Variants in CYB5D2 observed in about 807,000 individuals in gnomAD.
CYB5D2 encodes the protein cytochrome b5 domain containing 2, also known as neuferricin.
In CYB5D2, 23 loss-of-function variants were observed where a neutral mutation model predicts 22.8. That is an observed-to-expected ratio of 1.01 (90% CI 0.73 to 1.43). CYB5D2 has a LOEUF of 1.43. Ranked by LOEUF, CYB5D2 falls within the 40% of genes most tolerant of loss-of-function variation. The probability of loss-of-function intolerance (pLI) is 0.00; values close to 1 mark genes in which losing one functional copy is unlikely to be tolerated. For missense variants in CYB5D2, 373 were observed against 357.2 expected, an observed-to-expected ratio of 1.04 and a Z score of -0.36; for synonymous variants, 170 against 152.2, an observed-to-expected ratio of 1.12 and a Z score of -0.86.
Position 4,157,255 on chromosome 17 carries a change from G to A in CYB5D2, c.*173G>A, listed in dbSNP as rs1046113905. 4.1e-6 allele frequency: 3 copies of A among 734,882 alleles called. No individual in the cohort carries two copies. Among genetic ancestry groups the A allele is most frequent in the African/African-American group, 3.5e-5 (2 of 56,516 alleles). 45.5% of individuals were successfully genotyped at this position (734,882 alleles called of 1,614,324 possible). A position where few individuals can be genotyped will look rare whatever the true frequency, so the allele number is the denominator to read the frequency against. ...CCCCTTACCGTGGCTCGGCGTTGTG[G>A]TGCCTGAGGGACAGCCGGCCACCTG... On this transcript the variant is annotated 3_prime_UTR_variant, in exon 4 of 4. Coordinates refer to ENST00000301391, the MANE Select transcript of CYB5D2 (RefSeq NM_144611.4). This position sits in a 1 kb window ranked among gnomAD's most constrained non-coding sequence, Gnocchi z 4.4.
At chr17:4,149,067 G>A (rs969689318) in intron 1 of CYB5D2, among the ~76,000 whole-genome samples, 1 of 151,998 alleles carries the variant, frequency 6.6e-6, no homozygotes, top group Non-Finnish European at 1.5e-5. Flanking sequence ...TCAGCTTCTT[G>A]AGGAGCTGGG....
intron 2 of CYB5D2, among the ~76,000 whole-genome samples, chr17:4,151,775 T>G (rs141879116): frequency 0.081 from 12,181 of 150,376 alleles, 563 homozygotes; most frequent in South Asian, 0.15. Flanking sequence ...GAGGCTGAGG[T>G]GGTCGGATCA....
chr17:4,154,201 C>A (rs2059088228), intron 2 of CYB5D2, among the ~76,000 whole-genome samples: 1 of 152,200 alleles, frequency 6.6e-6, no homozygotes, highest in Admixed American at 6.5e-5. Context: ...CCCCCATCTA[C>A]TCAACAAGCT....
At position 4,154,703 on chromosome 17, in the gene CYB5D2, G is replaced by A; in HGVS notation, c.421G>A (p.Asp141Asn). 1 of 1,614,196 alleles carries A rather than the reference G, an allele frequency of 6.2e-7. No individual in the cohort carries two copies. Among genetic ancestry groups the A allele is most frequent in the Non-Finnish European group, 8.5e-7 (1 of 1,180,024 alleles). Residue 141 changes from aspartate to asparagine, a missense_variant, in exon 3 of 4, where the codon GAT (aspartate) becomes AAT (asparagine). Asp to Asn is a conservative substitution (Grantham distance 23). Coordinates refer to ENST00000301391, the MANE Select transcript of CYB5D2 (RefSeq NM_144611.4). Reference sequence around the variant, plus strand: ...GGTGACAGGACGGTTCTACGGAGAGGATGGGCTGCCCACCCCGGCACTGAC... The same window carrying A: ...GGTGACAGGACGGTTCTACGGAGAGAATGGGCTGCCCACCCCGGCACTGAC... ...GRVTGRFYGE[D>N]GLPTPALTQV...
chr17:4,143,665 G>C lies in CYB5D2; in HGVS notation c.-91G>C, dbSNP rs1162884540. On this transcript the variant is annotated 5_prime_UTR_variant, in exon 1 of 4. Transcript: ENST00000301391. ...CGCGAGAGAGAGAGCGAGAGCGCGC[G>C]CGCCGATGACGTCACGCTCGGCGTC... 2.7e-6 allele frequency: 4 copies of C among 1,503,600 alleles called. No individual in the cohort carries two copies. Among genetic ancestry groups the C allele is most frequent in the Non-Finnish European group, 3.6e-6 (4 of 1,123,442 alleles). The allele number at this position is 1,503,600 out of a possible 1,614,324, so 93.1% of individuals were successfully genotyped here.
Position 4,143,660 on chromosome 17 carries a change from C to A in CYB5D2, c.-96C>A. Reference sequence around the variant, plus strand: ...TAGCGCGCGAGAGAGAGAGCGAGAGCGCGCGCGCCGATGACGTCACGCTCG... The same window carrying A: ...TAGCGCGCGAGAGAGAGAGCGAGAGAGCGCGCGCCGATGACGTCACGCTCG... On this transcript the variant is annotated 5_prime_UTR_variant, in exon 1 of 4. Coordinates refer to ENST00000301391, the MANE Select transcript of CYB5D2 (RefSeq NM_144611.4). 2.7e-6 allele frequency: 4 copies of A among 1,494,784 alleles called. No homozygotes were observed. Among genetic ancestry groups the A allele is most frequent in the Non-Finnish European group, 2.7e-6 (3 of 1,116,104 alleles). The allele number at this position is 1,494,784 out of a possible 1,614,324, so 92.6% of individuals were successfully genotyped here. A position where few individuals can be genotyped will look rare whatever the true frequency, so the allele number is the denominator to read the frequency against.
At chr17:4,146,041 C>T (rs1349192417) in intron 1 of CYB5D2, among the ~76,000 whole-genome samples, 1 of 152,182 alleles carries the variant, frequency 6.6e-6, no homozygotes, top group Non-Finnish European at 1.5e-5. Context: ...TCAAGTGATT[C>T]AGCCGCTGAA....
At chr17:4,146,682 G>A (rs936512601) in intron 1 of CYB5D2, among the ~76,000 whole-genome samples, 9 of 147,954 alleles carry the variant, frequency 6.1e-5, no homozygotes, top group Non-Finnish European at 7.5e-5. Context: ...GAGCCACCGC[G>A]CCTGGCCCGG....
At chr17:4,149,044 C>G (rs1315279296) in intron 1 of CYB5D2, among the ~76,000 whole-genome samples, 1 of 151,888 alleles carries the variant, frequency 6.6e-6, no homozygotes, top group East Asian at 1.9e-4. Context: ...TGGGCTCAAG[C>G]AGTCCTCCTT....
chr17:4,149,850 G>C (rs1479626003), intron 1 of CYB5D2, 41 bp from the exon 2 acceptor site: 1 of 1,584,412 alleles, frequency 6.3e-7, no homozygotes, highest in African/African-American at 1.4e-5. Context: ...GATGGTGTCA[G>C]TGGTTTACAC....
Position 4,143,619 on chromosome 17 carries a change from G to C in CYB5D2, c.-137G>C. The C allele has an allele frequency of 8.0e-7, 1 of 1,244,780 alleles. No individual in the cohort carries two copies. Among genetic ancestry groups the C allele is most frequent in the Non-Finnish European group, 1.1e-6 (1 of 895,640 alleles). 77.1% of individuals were successfully genotyped at this position (1,244,780 alleles called of 1,614,324 possible). ...ACAGATAAAACGAGAGAGACTAAGG[G>C]AGGGAGCGCGAGCACTAGCGCGCGA... On this transcript the variant is annotated 5_prime_UTR_variant, in exon 1 of 4. Coordinates refer to ENST00000301391, the MANE Select transcript of CYB5D2 (RefSeq NM_144611.4).
At chr17:4,144,423 T>A (rs775152857) in intron 1 of CYB5D2, among the ~76,000 whole-genome samples, 3 of 150,958 alleles carry the variant, frequency 2.0e-5, no homozygotes, top group Non-Finnish European at 3.0e-5. Flanking sequence ...TCCCAAATAA[T>A]CTTTCTTCCC....
In CYB5D2 at chr17:4,157,386, C is replaced by G; in HGVS notation, c.*304C>G. 1 of 450,668 alleles carries G rather than the reference C, an allele frequency of 2.2e-6. No homozygotes were observed. The highest frequency in any genetic ancestry group is 4.1e-6 in the Non-Finnish European group (1 of 245,326). 27.9% of individuals were successfully genotyped at this position (450,668 alleles called of 1,614,324 possible). On this transcript the variant is annotated 3_prime_UTR_variant, in exon 4 of 4. Transcript: ENST00000301391. The surrounding 1 kb of genome is among the most constrained non-coding windows in gnomAD (Gnocchi z 4.4). ...ACAAATAAGACCAACTCAATTTCCACTTGAATTTACAACCAAAAGCCTGCT... is the reference window on the plus strand; with the variant it reads ...ACAAATAAGACCAACTCAATTTCCAGTTGAATTTACAACCAAAAGCCTGCT...
chr17:4,143,597 G>C lies in CYB5D2; in HGVS notation c.-159G>C, dbSNP rs964278407. Reference sequence around the variant, plus strand: ...GCTTTTCGCCAGTGCCAGGAATACAGATAAAACGAGAGAGACTAAGGGAGG... The same window carrying C: ...GCTTTTCGCCAGTGCCAGGAATACACATAAAACGAGAGAGACTAAGGGAGG... On this transcript the variant is annotated 5_prime_UTR_variant, in exon 1 of 4. Coordinates refer to ENST00000301391, the MANE Select transcript of CYB5D2 (RefSeq NM_144611.4). 5 of 1,052,978 alleles carry C rather than the reference G, an allele frequency of 4.7e-6. No individual in the cohort carries two copies. The highest frequency in any genetic ancestry group is 2.6e-5 in the East Asian group (1 of 38,556). The allele number at this position is 1,052,978 out of a possible 1,614,324, so 65.2% of individuals were successfully genotyped here. A position where few individuals can be genotyped will look rare whatever the true frequency, so the allele number is the denominator to read the frequency against.
At chr17:4,156,373 A>G (rs758623672) in intron 3 of CYB5D2, among the ~76,000 whole-genome samples, 1 of 152,260 alleles carries the variant, frequency 6.6e-6, no homozygotes, top group Non-Finnish European at 1.5e-5. Flanking sequence ...GGCTTCCCAG[A>G]GAAGGCCGAC....
chr17:4,145,733 G>C (rs1408809687), intron 1 of CYB5D2, among the ~76,000 whole-genome samples: 2 of 152,184 alleles, frequency 1.3e-5, no homozygotes, highest in African/African-American at 2.4e-5. Flanking sequence ...CGTTCATTCA[G>C]TATTTTATTT....
chr17:4,144,215 A>G (rs1481066600), intron 1 of CYB5D2, among the ~76,000 whole-genome samples: 2 of 151,540 alleles, frequency 1.3e-5, no homozygotes, highest in Non-Finnish European at 2.9e-5. Flanking sequence ...GTCATCCACC[A>G]CCGCCCTGCG....
Position 4,143,560 on chromosome 17 carries a change from C to T in CYB5D2, c.-196C>T. 2 of 657,582 alleles carry T rather than the reference C, an allele frequency of 3.0e-6. No individual in the cohort carries two copies. The highest frequency in any genetic ancestry group is 4.8e-6 in the Non-Finnish European group (2 of 418,402). 40.7% of individuals were successfully genotyped at this position (657,582 alleles called of 1,614,324 possible). ...AAAAAAAAAAGTACCTGGAAAAAGT[C>T]GCAGACAGCGAGCTTTTCGCCAGTG... On this transcript the variant is annotated 5_prime_UTR_variant, in exon 1 of 4. Transcript: ENST00000301391.
chr17:4,148,420 G>C (rs2059016256), intron 1 of CYB5D2, among the ~76,000 whole-genome samples: 1 of 151,696 alleles, frequency 6.6e-6, no homozygotes, highest in South Asian at 2.1e-4. Flanking sequence ...AGGAGGCTGA[G>C]GCAGGAGAAT....
Sources: allele counts gnomAD v4.1 joint callset (sites outside exome capture counted in the v4.1 genomes callset), GRCh38; gene constraint gnomAD v4.1.1; non-coding constraint Gnocchi (gnomAD v3.1); transcripts MANE v1.5; gene names NCBI Gene and HGNC (gene_info 2026-07-23, HGNC 2026-07-21).